Variants in ADAM12 observed in about 807,000 individuals in gnomAD.
ADAM12 encodes ADAM metallopeptidase domain 12.
ADAM12 carries 70 observed loss-of-function variants against 106.4 expected under a neutral mutation model. That is an observed-to-expected ratio of 0.66 (90% CI 0.54 to 0.80). ADAM12 has a LOEUF of 0.80. Ranked by LOEUF, ADAM12 falls within the 30% of genes least tolerant of loss-of-function variation. ADAM12 has a pLI of 0.00. For synonymous variants in ADAM12, 420 were observed against 433.5 expected (o/e 0.97, Z 0.39); for missense variants, 1,010 against 1,171.9 (o/e 0.86, Z 2.02).
At chr10:126,172,821 A>T (rs1163012751) in intron 3 of ADAM12, among the ~76,000 whole-genome samples, 1 of 152,260 alleles carries the variant, frequency 6.6e-6, no homozygotes, top group Admixed American at 6.5e-5. Flanking sequence ...TGTTTACTGC[A>T]GCATTGTTCA....
chr10:126,155,310 G>T lies in ADAM12; in HGVS notation c.261-5C>A, dbSNP rs200512312. On this transcript the variant is annotated splice_polypyrimidine_tract_variant and splice_region_variant and intron_variant, in intron 3 of 22. Coordinates refer to ENST00000448723, the MANE Select transcript of ADAM12 (RefSeq NM_001288973.2). ...AAACTGCTGGCAATGAGACCTCTGC[G>T]GAAAAACAAAAACACCATAAAAAGA... 6.2e-7 allele frequency: 1 copy of T among 1,612,688 alleles called. No individual in the cohort carries two copies.
intron 3 of ADAM12, among the ~76,000 whole-genome samples, chr10:126,238,296 A>G (rs1362943825): frequency 2.0e-5 from 3 of 152,128 alleles, no homozygotes; most frequent in Non-Finnish European, 4.4e-5. Flanking sequence ...CCTGGCCAAC[A>G]TGGGGAAACC....
chr10:126,033,473 GTGTGTT>G (rs1954005015), intron 21 of ADAM12, among the ~76,000 whole-genome samples: 1 of 152,180 alleles, frequency 6.6e-6, no homozygotes, highest in South Asian at 2.1e-4. Context: ...CTACCCAGTG[GTGTGTT>G]TGTGTGTGTG....
intron 21 of ADAM12, among the ~76,000 whole-genome samples, chr10:126,025,850 AATC>A (rs1246807448): frequency 6.6e-6 from 1 of 152,232 alleles, no homozygotes; most frequent in Non-Finnish European, 1.5e-5. Context: ...CAAGACACAT[AATC>A]ATCAGATTTT....
intron 3 of ADAM12, among the ~76,000 whole-genome samples, chr10:126,178,592 C>T (rs1957261831): frequency 6.6e-6 from 1 of 151,680 alleles, no homozygotes; most frequent in African/African-American, 2.4e-5. Flanking sequence ...AGTACTAGAA[C>T]ACAACAGAAA....
intron 1 of ADAM12, among the ~76,000 whole-genome samples, chr10:126,351,114 G>T (rs935738581): frequency 7.2e-5 from 11 of 152,208 alleles, no homozygotes; most frequent in Admixed American, 1.3e-4. Context: ...GGTGTCCACG[G>T]GCAGTGCCCT....
At chr10:126,340,769 G>A (rs573585364) in intron 1 of ADAM12, among the ~76,000 whole-genome samples, 2 of 151,044 alleles carry the variant, frequency 1.3e-5, no homozygotes, top group South Asian at 4.2e-4. Flanking sequence ...CAAGGCTGGA[G>A]TGCAGTGGTG....
At chr10:126,370,247 A>T (rs968307603) in intron 1 of ADAM12, among the ~76,000 whole-genome samples, 1 of 152,216 alleles carries the variant, frequency 6.6e-6, no homozygotes. Flanking sequence ...AAGCTGTGAG[A>T]TTGTACACAG....
At chr10:126,075,506 A>C (rs1485346139) in intron 11 of ADAM12, among the ~76,000 whole-genome samples, 1 of 152,216 alleles carries the variant, frequency 6.6e-6, no homozygotes, top group Non-Finnish European at 1.5e-5. Flanking sequence ...GATAATAGGC[A>C]AGCTAAGGGA....
intron 4 of ADAM12, among the ~76,000 whole-genome samples, chr10:126,146,643 C>A (rs1473573097): frequency 2.0e-5 from 3 of 152,164 alleles, no homozygotes; most frequent in Non-Finnish European, 4.4e-5. Context: ...ACACCGGTGG[C>A]ACAAGCACCA....
At chr10:126,059,132 T>C (rs1020980826) in intron 14 of ADAM12, among the ~76,000 whole-genome samples, 6 of 152,262 alleles carry the variant, frequency 3.9e-5, no homozygotes, top group Admixed American at 6.5e-5. Context: ...CTATAACTTA[T>C]ATTTGTAATT....
At chr10:126,184,990 C>T (rs147839573) in intron 3 of ADAM12, among the ~76,000 whole-genome samples, 1 of 152,176 alleles carries the variant, frequency 6.6e-6, no homozygotes, top group Non-Finnish European at 1.5e-5. Context: ...AACATGGCAC[C>T]CTGACCGTGA....
intron 1 of ADAM12, among the ~76,000 whole-genome samples, chr10:126,339,686 A>G (rs1477350000): frequency 6.6e-6 from 1 of 152,140 alleles, no homozygotes; most frequent in Non-Finnish European, 1.5e-5. Context: ...TGTGGGTTCC[A>G]GGAACAGCCA....
chr10:126,069,266 CTA>C (rs1311955913), intron 12 of ADAM12, among the ~76,000 whole-genome samples: 2 of 152,100 alleles, frequency 1.3e-5, no homozygotes, highest in Non-Finnish European at 2.9e-5. Flanking sequence ...CTACTTGAAA[CTA>C]TTTTTTGAAA....
At chr10:126,052,919 G>C (rs926756278) in intron 14 of ADAM12, among the ~76,000 whole-genome samples, 1 of 152,186 alleles carries the variant, frequency 6.6e-6, no homozygotes, top group African/African-American at 2.4e-5. Flanking sequence ...AGAGTGTGAC[G>C]TGGTTTGGAT....
At chr10:126,194,193 G>T (rs1957556000) in intron 3 of ADAM12, among the ~76,000 whole-genome samples, 1 of 150,616 alleles carries the variant, frequency 6.6e-6, no homozygotes, top group African/African-American at 2.5e-5. Flanking sequence ...TCAAACTTTG[G>T]AGTGGCTCAG....
intron 21 of ADAM12, among the ~76,000 whole-genome samples, chr10:126,027,594 T>C (rs1564995275): frequency 6.7e-6 from 1 of 149,946 alleles, no homozygotes; most frequent in South Asian, 2.1e-4. Flanking sequence ...ATTCATCACA[T>C]AAACAGAACT....
intron 3 of ADAM12, among the ~76,000 whole-genome samples, chr10:126,257,065 A>G (rs1435222335): frequency 6.6e-6 from 1 of 152,146 alleles, no homozygotes; most frequent in African/African-American, 2.4e-5. Flanking sequence ...CATCCTGCAT[A>G]AGGCCTGCAG....
Position 126,066,724 on chromosome 10 carries a change from T to A in ADAM12, c.1406A>T (p.Asp469Val), listed in dbSNP as rs1287514373. The change falls in exon 13 of 23, where the codon GAC (aspartate) becomes GTC (valine). Residue 469 changes from aspartate to valine, a missense_variant. Asp to Val is a radical substitution (Grantham distance 152). Coordinates refer to ENST00000448723, the MANE Select transcript of ADAM12 (RefSeq NM_001288973.2). This position sits in a 1 kb window ranked among gnomAD's most constrained non-coding sequence, Gnocchi z 5.1. ...GTAGCTCCGGTGACTCACCTGGCAG[T>A]CTTCACAGCACAGCCCATGTGCGCA... ...AVCAHGLCCE[D>V]CQLKPAGTAC... The A allele has an allele frequency of 7.4e-6, 12 of 1,614,138 alleles. No individual in the cohort carries two copies. The highest frequency in any genetic ancestry group is 1.0e-5 in the Non-Finnish European group (12 of 1,179,986).
Sources: gnomAD v4.1 joint callset for allele counts (sites outside exome capture counted in the v4.1 genomes callset) on GRCh38, gnomAD v4.1.1 for gene constraint, Gnocchi (gnomAD v3.1) non-coding constraint, MANE v1.5 for transcripts, NCBI Gene and HGNC (gene_info 2026-07-23, HGNC 2026-07-21) for gene names.